Variants in LARP4B observed in about 807,000 individuals in gnomAD.
LARP4B encodes La ribonucleoprotein 4B, also known as la-related protein 4B.
Under a neutral mutation model 89.8 loss-of-function variants are expected in LARP4B, and 12 were observed. That is an observed-to-expected ratio of 0.13 (90% confidence interval 0.09 to 0.22). LARP4B has a LOEUF of 0.22. Among genes scored for constraint, LARP4B ranks in the 10% least tolerant of loss-of-function variants. LARP4B has a pLI of 1.00. For synonymous variants in LARP4B, 367 were observed against 363.3 expected (o/e 1.01, Z -0.12); for missense variants, 757 against 947.7 (o/e 0.80, Z 2.64).
Position 814,350 on chromosome 10 carries a change from G to A in LARP4B, c.1929+392C>T. ...GGGCCCACAGGGGTTGGAGGCTGGTGGGGCCACCATCTTGCTCTTCCTGTC... is the reference window on the plus strand; with the variant it reads ...GGGCCCACAGGGGTTGGAGGCTGGTAGGGCCACCATCTTGCTCTTCCTGTC... On this transcript the variant is annotated intron_variant, in intron 17 of 17. Transcript: ENST00000316157. The surrounding 1 kb of genome is among the most constrained non-coding windows in gnomAD (Gnocchi z 4.4). The A allele has an allele frequency of 3.0e-6, 1 of 332,540 alleles. No homozygotes were observed. Among genetic ancestry groups the A allele is most frequent in the South Asian group, 2.4e-5 (1 of 41,052 alleles). 20.6% of individuals were successfully genotyped at this position (332,540 alleles called of 1,614,324 possible).
At chr10:857,368 G>A (rs1476320379) in intron 5 of LARP4B, among the ~76,000 whole-genome samples, 1 of 152,158 alleles carries the variant, frequency 6.6e-6, no homozygotes, top group African/African-American at 2.4e-5. Context: ...AATGCAGACT[G>A]CCTTTGATGG....
chr10:850,511 AACAG>A (rs1300760894), intron 5 of LARP4B, among the ~76,000 whole-genome samples: 1 of 152,206 alleles, frequency 6.6e-6, no homozygotes, highest in African/African-American at 2.4e-5. Context: ...TAAAAGGATA[AACAG>A]ACAAATGCAA....
chr10:959,021 T>C, the LARP4B span, among the ~76,000 whole-genome samples: 1 of 152,144 alleles, frequency 6.6e-6, no homozygotes, highest in African/African-American at 2.4e-5. Context: ...GGAAGGACGC[T>C]CCGCCTGAGG....
intron 6 of LARP4B, among the ~76,000 whole-genome samples, chr10:843,282 A>G (rs1319155667): frequency 1.3e-5 from 2 of 152,212 alleles, no homozygotes; most frequent in African/African-American, 4.8e-5. Flanking sequence ...GCAAAAGTAA[A>G]AGTATACTGT....
chr10:976,794 CATGTAATGTGTGGACCCG>C, the LARP4B span, among the ~76,000 whole-genome samples: 1 of 148,170 alleles, frequency 6.7e-6, no homozygotes, highest in Non-Finnish European at 1.5e-5. Context: ...GTAGGCCTGT[CATGTAATGTGTGGACCCG>C]GCCTAGTAGA....
chr10:955,628 G>A, the LARP4B span, among the ~76,000 whole-genome samples: 1 of 152,124 alleles, frequency 6.6e-6, no homozygotes, highest in South Asian at 2.1e-4. This position sits in a 1 kb window ranked among gnomAD's most constrained non-coding sequence, Gnocchi z 5.2. Context: ...CCCAGGACGG[G>A]GAGTTTACGT....
chr10:841,427 G>A (rs760914644), intron 7 of LARP4B, among the ~76,000 whole-genome samples: 41 of 152,322 alleles, frequency 2.7e-4, no homozygotes, highest in Admixed American at 9.1e-4. Context: ...GAGATGGGAC[G>A]AAATAGGTGA....
At chr10:809,173 T>C (rs1450358972), downstream of LARP4B, 4 of 152,174 alleles carry the variant, frequency 2.6e-5, no homozygotes. Context: ...TAAGGATGAG[T>C]CCATCACCAT....
Position 885,659 on chromosome 10 carries a change from G to A in LARP4B, c.63C>T (p.Gly21=). The A allele has an allele frequency of 1.9e-6, 3 of 1,613,928 alleles. No homozygotes were observed. The highest frequency in any genetic ancestry group is 2.5e-6 in the Non-Finnish European group (3 of 1,179,906). The change falls in exon 2 of 18, where the codon GGC becomes GGT. Residue 21 remains glycine (G), a synonymous_variant. Transcript: ENST00000316157. The stretch of plus-strand genomic sequence containing the variant: ...CACCCACCAGATGAGCGCTGTCCTT[G>A]CCCTCCTGGACTCTCTGCGTCTGCG... ...AEPQTQRVQE[G]KDSAHLMNGP... is the part of the protein sequence containing the mutation.
At chr10:878,870 A>T (rs375744860) in intron 3 of LARP4B, among the ~76,000 whole-genome samples, 1 of 152,250 alleles carries the variant, frequency 6.6e-6, no homozygotes, top group African/African-American at 2.4e-5. Context: ...GTTTGCAAAA[A>T]AACTATTTGT....
At chr10:880,753 T>TCCTCATA in intron 3 of LARP4B, among the ~76,000 whole-genome samples, 1 of 152,132 alleles carries the variant, frequency 6.6e-6, no homozygotes, top group South Asian at 2.1e-4. Flanking sequence ...AGTATGAGGA[T>TCCTCATA]GAGTTAGATT....
At chr10:921,367 C>A (rs1045030755) in intron 1 of LARP4B, among the ~76,000 whole-genome samples, 13 of 152,086 alleles carry the variant, frequency 8.5e-5, no homozygotes, top group African/African-American at 3.1e-4. Context: ...CAATTTGTGG[C>A]CATATAACGA....
intron 3 of LARP4B, among the ~76,000 whole-genome samples, chr10:879,770 GTCTTT>G (rs772911190): frequency 4.6e-5 from 7 of 151,854 alleles, no homozygotes; most frequent in South Asian, 2.1e-4. Flanking sequence ...ATCCGGCCAA[GTCTTT>G]TCTTTTCTTT....
chr10:969,038 T>TA, the LARP4B span, among the ~76,000 whole-genome samples: 1 of 152,230 alleles, frequency 6.6e-6, no homozygotes, highest in African/African-American at 2.4e-5. Context: ...CACCGTATCT[T>TA]AAGAGAGACT....
intron 5 of LARP4B, among the ~76,000 whole-genome samples, chr10:850,459 CAA>C (rs371006087): frequency 6.6e-6 from 1 of 152,080 alleles, no homozygotes; most frequent in Non-Finnish European, 1.5e-5. Context: ...CAAGAGGCCA[CAA>C]AAAAGTCTTC....
At chr10:960,361 AGACT>A in the LARP4B span, among the ~76,000 whole-genome samples, 1 of 152,116 alleles carries the variant, frequency 6.6e-6, no homozygotes, top group Non-Finnish European at 1.5e-5. Context: ...TACAACAGCA[AGACT>A]GACCCCCAGT....
intron 1 of LARP4B, among the ~76,000 whole-genome samples, chr10:900,566 G>A (rs1483718885): frequency 6.8e-6 from 1 of 146,998 alleles, no homozygotes; most frequent in Non-Finnish European, 1.5e-5. Context: ...TCCCCAGGTA[G>A]CTGGAACTAC....
At chr10:914,161 G>A (rs1836752921) in intron 1 of LARP4B, among the ~76,000 whole-genome samples, 1 of 151,976 alleles carries the variant, frequency 6.6e-6, no homozygotes, top group South Asian at 2.1e-4. Flanking sequence ...GTTGTCATGT[G>A]GTATAAAACA....
intron 1 of LARP4B, among the ~76,000 whole-genome samples, chr10:929,587 G>A: frequency 1.2e-5 from 1 of 85,414 alleles, no homozygotes; most frequent in East Asian, 3.3e-4. Flanking sequence ...GACAGAACAA[G>A]ACTCCAACTC....
Sources: gnomAD v4.1 joint callset for allele counts (sites outside exome capture counted in the v4.1 genomes callset) on GRCh38, gnomAD v4.1.1 for gene constraint, Gnocchi (gnomAD v3.1) non-coding constraint, MANE v1.5 for transcripts, NCBI Gene and HGNC (gene_info 2026-07-23, HGNC 2026-07-21) for gene names.